Variants in RNF150 observed in about 807,000 individuals in gnomAD.
The protein encoded by RNF150 is ring finger protein 150.
A neutral mutation model predicts 39.3 loss-of-function variants in RNF150; 24 were observed. That is an observed-to-expected ratio of 0.61 (90% CI 0.44 to 0.86). RNF150 has a LOEUF of 0.86. Among genes scored for constraint, RNF150 ranks in the 40% least tolerant of loss-of-function variants. The pLI is 0.00. For missense variants in RNF150, 502 were observed against 587.8 expected (o/e 0.85, Z 1.51); for synonymous variants, 255 against 227.3 (o/e 1.12, Z -1.10).
intron 6 of RNF150, among the ~76,000 whole-genome samples, chr4:140,874,765 C>T (rs1291513682): frequency 4.6e-5 from 7 of 152,268 alleles, no homozygotes; most frequent in Middle Eastern, 3.4e-3. Context: ...GCATCTGCCA[C>T]GACACCTGTG....
chr4:140,928,834 C>T (rs1731501485), intron 4 of RNF150, among the ~76,000 whole-genome samples: 1 of 152,212 alleles, frequency 6.6e-6, no homozygotes, highest in Admixed American at 6.5e-5. Flanking sequence ...GCGTGAGCCA[C>T]CGCGCCCGGC....
At chr4:140,960,482 A>C (rs1732976122) in intron 2 of RNF150, among the ~76,000 whole-genome samples, 1 of 152,174 alleles carries the variant, frequency 6.6e-6, no homozygotes, top group Admixed American at 6.6e-5. Context: ...AACTTTGGAA[A>C]GCTTCTAAGA....
chr4:140,941,996 G>A (rs1408249839), intron 4 of RNF150, among the ~76,000 whole-genome samples: 1 of 152,062 alleles, frequency 6.6e-6, no homozygotes, highest in Non-Finnish European at 1.5e-5. Context: ...CCAGACTAGG[G>A]GAATGAAGAA....
chr4:140,998,154 G>A (rs569895062), intron 1 of RNF150, among the ~76,000 whole-genome samples: 1 of 152,276 alleles, frequency 6.6e-6, no homozygotes, highest in Admixed American at 6.5e-5. Flanking sequence ...ATAGAGTTCA[G>A]TCCAGTTGCC....
intron 1 of RNF150, among the ~76,000 whole-genome samples, chr4:141,044,546 A>G (rs1436099941): frequency 6.6e-6 from 1 of 152,240 alleles, no homozygotes; most frequent in Non-Finnish European, 1.5e-5. Context: ...TATTTACATA[A>G]CATTATTATT....
chr4:141,058,027 C>T (rs1027040698), intron 1 of RNF150, among the ~76,000 whole-genome samples: 2 of 152,078 alleles, frequency 1.3e-5, no homozygotes, highest in African/African-American at 4.8e-5. Context: ...CCAGATGAAG[C>T]AAATCCATGC....
rs147815218 is a variant in RNF150, at chr4:141,057,756, C to T, written c.484+74569G>A. Among the ~76,000 whole-genome samples the T allele has an allele frequency of 6.6e-5, 10 of 152,238 alleles. No homozygotes were observed. The East Asian group carries it at 9.6e-4, about 15-fold the overall frequency. On this transcript the variant is annotated intron_variant, in intron 1 of 6. Coordinates refer to ENST00000515673, the MANE Select transcript of RNF150 (RefSeq NM_020724.2). ...GTATTCTGGTATCTGCTCTTCTTTA[C>T]TTCACACATAGCAAACCTCGGCAAG...
chr4:141,113,830 C>T (rs1482492191), intron 1 of RNF150, among the ~76,000 whole-genome samples: 1 of 152,194 alleles, frequency 6.6e-6, no homozygotes, highest in Non-Finnish European at 1.5e-5. Flanking sequence ...TCTCAGACCA[C>T]CGTGCAATCA....
intron 5 of RNF150, among the ~76,000 whole-genome samples, chr4:140,912,151 A>G (rs1178306993): frequency 6.6e-6 from 1 of 152,140 alleles, no homozygotes; most frequent in Non-Finnish European, 1.5e-5. Context: ...GTTGGCGTCT[A>G]TTATTATTGG....
chr4:140,909,186 A>ATGAC (rs959302515), intron 6 of RNF150, among the ~76,000 whole-genome samples: 1 of 152,174 alleles, frequency 6.6e-6, no homozygotes, highest in Non-Finnish European at 1.5e-5. Context: ...CAATTTTCTC[A>ATGAC]TGACAAAAAT....
rs139810516 is a variant in RNF150, at chr4:140,884,861, C to T, written c.1199-16482G>A. ...AGAAGAACTCTGAGTTGGGAGTTTT[C>T]TCCAATGGCACCATGCTATACTAGA... On this transcript the variant is annotated intron_variant, in intron 6 of 6. Coordinates refer to ENST00000515673, the MANE Select transcript of RNF150 (RefSeq NM_020724.2). Among the ~76,000 whole-genome samples the T allele has an allele frequency of 4.2e-3, 641 of 152,204 alleles. 4 individuals are homozygous for T. Among genetic ancestry groups the T allele is most frequent in the African/African-American group, 0.014 (596 of 41,536 alleles).
chr4:140,893,256 A>AG (rs1478885480), intron 6 of RNF150, among the ~76,000 whole-genome samples: 11 of 152,214 alleles, frequency 7.2e-5, no homozygotes, highest in African/African-American at 2.4e-4. Context: ...CTCAGGGGTC[A>AG]GGGGCTTATT....
intron 1 of RNF150, among the ~76,000 whole-genome samples, chr4:141,172,142 C>G (rs1399965791): frequency 6.6e-6 from 1 of 152,168 alleles, no homozygotes; most frequent in Non-Finnish European, 1.5e-5. Context: ...TTAGCTGGTG[C>G]TTCTCTGCTT....
At chr4:140,882,618 T>C (rs1226576304) in intron 6 of RNF150, among the ~76,000 whole-genome samples, 1 of 152,188 alleles carries the variant, frequency 6.6e-6, no homozygotes, top group Non-Finnish European at 1.5e-5. Flanking sequence ...TAGGTAAATA[T>C]ATATTAATAA....
chr4:141,180,737 A>G (rs1438232878), intron 1 of RNF150, among the ~76,000 whole-genome samples: 1 of 152,124 alleles, frequency 6.6e-6, no homozygotes, highest in South Asian at 2.1e-4. Context: ...GATAAGCAGA[A>G]CATGTGCTAT....
At chr4:140,913,330 T>C (rs1490518525) in intron 5 of RNF150, among the ~76,000 whole-genome samples, 1 of 152,188 alleles carries the variant, frequency 6.6e-6, no homozygotes, top group African/African-American at 2.4e-5. Context: ...AGGAATTACA[T>C]GCTCCCTGGC....
chr4:141,179,043 A>C (rs1370485397), intron 1 of RNF150, among the ~76,000 whole-genome samples: 2 of 152,280 alleles, frequency 1.3e-5, no homozygotes, highest in Admixed American at 1.3e-4. Context: ...TCCTTCAGAG[A>C]AATATATGTA....
chr4:141,151,097 A>G (rs1727289073), intron 1 of RNF150, among the ~76,000 whole-genome samples: 1 of 151,610 alleles, frequency 6.6e-6, no homozygotes, highest in African/African-American at 2.4e-5. Flanking sequence ...ACATTACCAT[A>G]CCTGGCTAAG....
In RNF150 at chr4:140,967,845, A is replaced by T. The variant is rs1363251799; in HGVS notation, c.513T>A (p.Ile171=). 11 of 1,613,340 alleles carry T rather than the reference A, an allele frequency of 6.8e-6. No individual in the cohort carries two copies. Among genetic ancestry groups the T allele is most frequent in the Non-Finnish European group, 9.3e-6 (11 of 1,179,510 alleles). Residue 171 remains isoleucine (I), a synonymous_variant, in exon 2 of 7, where the codon ATT becomes ATA. Transcript: ENST00000515673. ...AGVEDIVAIM[I]PEPKGKEIVS... ...CTATCTCCTTCCCTTTTGGCTCAGG[A>T]ATCATTATGGCCACGATGTCTTCTA...
Sources: allele counts gnomAD v4.1 joint callset (sites outside exome capture counted in the v4.1 genomes callset), GRCh38; gene constraint gnomAD v4.1.1; transcripts MANE v1.5; gene names NCBI Gene and HGNC (gene_info 2026-07-23, HGNC 2026-07-21).